Variants in TEAD1 observed in about 807,000 individuals in gnomAD.
TEAD1 encodes the protein TEA domain transcription factor 1, also known as transcriptional enhancer factor TEF-1.
Under a neutral mutation model 54.9 loss-of-function variants are expected in TEAD1, and 9 were observed. The observed-to-expected ratio is 0.16, with a 90% CI of 0.10 to 0.29. The LOEUF (loss-of-function observed/expected upper bound fraction) is 0.29, where lower values mean the gene tolerates loss of function less well. Among genes scored for constraint, TEAD1 ranks in the 10% least tolerant of loss-of-function variants. TEAD1 has a pLI of 1.00. For missense variants in TEAD1, 387 were observed against 535.9 expected (o/e 0.72, Z 2.74); for synonymous variants, 200 against 187.8 (o/e 1.07, Z -0.53).
chr11:12,823,945 C>T (rs1235862992), intron 3 of TEAD1, among the ~76,000 whole-genome samples: 1 of 152,042 alleles, frequency 6.6e-6, no homozygotes, highest in Non-Finnish European at 1.5e-5. Context: ...CTACCCTACC[C>T]CAGGGAGACA....
At chr11:12,828,204 G>T (rs958787418) in intron 3 of TEAD1, 4 of 152,204 alleles carry the variant, frequency 2.6e-5, no homozygotes, top group African/African-American at 7.2e-5. Context: ...TCTCTTCCTG[G>T]TGGAGACTTG....
chr11:12,682,748 T>C (rs893362592), intron 2 of TEAD1, among the ~76,000 whole-genome samples: 1 of 152,098 alleles, frequency 6.6e-6, no homozygotes, highest in African/African-American at 2.4e-5. Context: ...AGGTGGCTAA[T>C]GAACAGCGAT....
At chr11:12,922,398 G>A (rs1323499165) in intron 10 of TEAD1, 2 of 50,168 alleles carry the variant, frequency 4.0e-5, no homozygotes, top group East Asian at 5.8e-4. Flanking sequence ...GGGTTTCACC[G>A]TTTTAGCCGG....
At chr11:12,684,404 A>G (rs1403467771) in intron 2 of TEAD1, among the ~76,000 whole-genome samples, 2 of 149,808 alleles carry the variant, frequency 1.3e-5, no homozygotes, top group African/African-American at 5.1e-5. Context: ...TTGGGTTGTA[A>G]AAGTTCTTTT....
chr11:12,743,915 G>A (rs1314889867), intron 2 of TEAD1, among the ~76,000 whole-genome samples: 1 of 152,190 alleles, frequency 6.6e-6, no homozygotes, highest in Non-Finnish European at 1.5e-5. Flanking sequence ...ATTCACTGGG[G>A]CTTTGGAGCA....
intron 5 of TEAD1, among the ~76,000 whole-genome samples, chr11:12,875,207 C>T (rs1045122398): frequency 2.6e-5 from 4 of 152,162 alleles, no homozygotes; most frequent in Non-Finnish European, 5.9e-5. Context: ...TACCTAGCTT[C>T]GCTTGTTTGG....
chr11:12,749,475 A>T (rs1440895400), intron 2 of TEAD1, among the ~76,000 whole-genome samples: 1 of 152,034 alleles, frequency 6.6e-6, no homozygotes, highest in Admixed American at 6.5e-5. Flanking sequence ...GAAAATGTGG[A>T]TTTAATCAAG....
chr11:12,769,789 C>A (rs1481324884), intron 3 of TEAD1, among the ~76,000 whole-genome samples: 1 of 152,134 alleles, frequency 6.6e-6, no homozygotes, highest in Admixed American at 6.5e-5. Context: ...TGTGGTAGAA[C>A]AGGCTAGAAG....
At chr11:12,727,030 A>G (rs1282254161) in intron 2 of TEAD1, among the ~76,000 whole-genome samples, 1 of 152,052 alleles carries the variant, frequency 6.6e-6, no homozygotes, top group Non-Finnish European at 1.5e-5. Flanking sequence ...ACTTGAGGTC[A>G]GGAGTTCAAG....
At position 12,871,462 on chromosome 11, in the gene TEAD1, A is replaced by G. The variant is rs192784529; in HGVS notation, c.330+6562A>G. ...GGATTTATTATCCCAGCATGTAGAA[A>G]GAATGCAGAAGCATTCTCCATGTGT... On this transcript the variant is annotated intron_variant, in intron 5 of 12. Coordinates refer to ENST00000527636, the MANE Select transcript of TEAD1 (RefSeq NM_021961.6). 2.5e-3 allele frequency among the ~76,000 whole-genome samples: 385 copies of G among 152,346 alleles called. 2 individuals are homozygous for G. Among genetic ancestry groups the G allele is most frequent in the Non-Finnish European group, 4.3e-3 (294 of 68,022 alleles).
intron 2 of TEAD1, among the ~76,000 whole-genome samples, chr11:12,738,349 C>G (rs981714606): frequency 9.9e-5 from 15 of 152,156 alleles, no homozygotes; most frequent in Non-Finnish European, 1.8e-4. Context: ...TATTTAGCAG[C>G]CTTGAAGAAT....
chr11:12,727,811 A>G (rs1415757815), intron 2 of TEAD1, among the ~76,000 whole-genome samples: 1 of 152,054 alleles, frequency 6.6e-6, no homozygotes, highest in Non-Finnish European at 1.5e-5. Flanking sequence ...CCTCACCCTT[A>G]CATGCAAGTT....
intron 9 of TEAD1, among the ~76,000 whole-genome samples, chr11:12,892,998 C>T (rs1233759386): frequency 6.6e-6 from 1 of 152,144 alleles, no homozygotes. Context: ...TGTAGACAGG[C>T]TAGGGTTCAT....
intron 10 of TEAD1, among the ~76,000 whole-genome samples, chr11:12,914,257 C>G (rs1304613194): frequency 1.3e-5 from 2 of 152,152 alleles, no homozygotes; most frequent in African/African-American, 4.8e-5. Context: ...TTATGAAATT[C>G]AAATAGGGGT....
At chr11:12,680,422 C>T (rs966634669) in intron 2 of TEAD1, among the ~76,000 whole-genome samples, 8 of 152,200 alleles carry the variant, frequency 5.3e-5, no homozygotes, top group Non-Finnish European at 1.0e-4. Context: ...ACTTAAGAAC[C>T]GAATTCACTT....
At chr11:12,881,850 T>G in intron 7 of TEAD1, 46 bp from the exon 8 acceptor site, 1 of 1,601,826 alleles carries the variant, frequency 6.2e-7, no homozygotes, top group East Asian at 2.2e-5. Flanking sequence ...TAGCCCCTGC[T>G]GCAGATGCGA....
At position 12,883,232 on chromosome 11, in the gene TEAD1, A is replaced by G. The variant is rs1948005720; in HGVS notation, c.699+107A>G. On this transcript the variant is annotated intron_variant, in intron 9 of 12. Transcript: ENST00000527636. ...TCCTTTACCCCGCCCCATGCCTGAC[A>G]AATATCCTGTGTGAAAACGGGCCTA... The G allele has an allele frequency of 2.6e-6, 4 of 1,552,328 alleles. No homozygotes were observed. In the Admixed American group the frequency reaches 5.0e-5, roughly 19 times the overall value.
intron 3 of TEAD1, chr11:12,822,412 A>G (rs982610238): frequency 6.6e-6 from 1 of 152,208 alleles, no homozygotes; most frequent in African/African-American, 2.4e-5. Flanking sequence ...ACTGTCAGAT[A>G]AAGTCTTTGG....
chr11:12,868,262 C>G (rs1354940146), intron 5 of TEAD1, among the ~76,000 whole-genome samples: 2 of 152,214 alleles, frequency 1.3e-5, no homozygotes, highest in Non-Finnish European at 2.9e-5. Context: ...AGCTTACTCC[C>G]TCAAATCCTT....
Sources: gnomAD v4.1 joint callset for allele counts (sites outside exome capture counted in the v4.1 genomes callset) on GRCh38, gnomAD v4.1.1 for gene constraint, MANE v1.5 for transcripts, NCBI Gene and HGNC (gene_info 2026-07-23, HGNC 2026-07-21) for gene names.